Variants in LARP4B observed in about 807,000 individuals in gnomAD.
LARP4B encodes the protein la-related protein 4B.
Under a neutral mutation model 89.8 loss-of-function variants are expected in LARP4B, and 12 were observed. That is an observed-to-expected ratio of 0.13 (90% CI 0.09 to 0.22). LARP4B has a LOEUF of 0.22. Ranked by LOEUF, LARP4B falls within the 10% of genes least tolerant of loss-of-function variation. The pLI, the probability that LARP4B is intolerant of heterozygous loss-of-function variation, is 1.00. For missense variants in LARP4B, 757 were observed against 947.7 expected, an observed-to-expected ratio of 0.80 and a Z score of 2.64; for synonymous variants, 367 against 363.3, an observed-to-expected ratio of 1.01 and a Z score of -0.12.
chr10:815,105 G>A, intron 15 of LARP4B, 35 bp from the exon 16 acceptor site: 1 of 1,521,780 alleles, frequency 6.6e-7, no homozygotes, highest in Non-Finnish European at 8.8e-7. Context: ...TCAGAGTCCT[G>A]CCGGCACTAA....
In LARP4B at chr10:912,903, G is replaced by C. The variant is rs557818849; in HGVS notation, c.-40+18525C>G. 3.5e-4 allele frequency among the ~76,000 whole-genome samples: 53 copies of C among 152,118 alleles called. 1 individual carries two copies. The Middle Eastern group carries it at 0.014, about 39-fold the overall frequency. Reference sequence around the variant, plus strand: ...AATATGACTTTCTGACATTTAGCTAGCTATCCTGAACCTCTTTATAAAAGA... The same window carrying C: ...AATATGACTTTCTGACATTTAGCTACCTATCCTGAACCTCTTTATAAAAGA... On this transcript the variant is annotated intron_variant, in intron 1 of 17. Coordinates refer to ENST00000316157, the MANE Select transcript of LARP4B (RefSeq NM_015155.3).
chr10:821,183 C>T (rs1832333083), intron 13 of LARP4B, among the ~76,000 whole-genome samples: 1 of 152,202 alleles, frequency 6.6e-6, no homozygotes, highest in Non-Finnish European at 1.5e-5. Context: ...CACATAAAAT[C>T]TGAGACTGAG....
intron 1 of LARP4B, among the ~76,000 whole-genome samples, chr10:907,432 T>C (rs552210017): frequency 6.6e-6 from 1 of 152,376 alleles, no homozygotes; most frequent in East Asian, 1.9e-4. Flanking sequence ...ATTTTCATTT[T>C]ATTTTATTCT....
intron 3 of LARP4B, chr10:873,485 T>G: frequency 1.1e-6 from 1 of 902,012 alleles, no homozygotes; most frequent in Non-Finnish European, 1.3e-6. Context: ...TTCAGGCTTC[T>G]GGTTTTTCTA....
At chr10:986,190 G>C in the LARP4B span, 1 of 152,178 alleles carries the variant, frequency 6.6e-6, no homozygotes, top group African/African-American at 2.4e-5. Context: ...AAAATAAAAA[G>C]GTCTGAAAAA....
chr10:939,633 G>C, the LARP4B span, among the ~76,000 whole-genome samples: 34 of 152,312 alleles, frequency 2.2e-4, no homozygotes. Flanking sequence ...TTCTAGGCCT[G>C]AGAAAAGGCT....
At chr10:873,534 G>A (rs1835329800) in intron 3 of LARP4B, 1 of 431,802 alleles carries the variant, frequency 2.3e-6, no homozygotes, top group Non-Finnish European at 3.1e-6. Flanking sequence ...TTCATGGGAT[G>A]GTGGTAACTA....
chr10:938,627 G>A, the LARP4B span, among the ~76,000 whole-genome samples: 1 of 152,168 alleles, frequency 6.6e-6, no homozygotes, highest in Non-Finnish European at 1.5e-5. Flanking sequence ...TTATTTAGGG[G>A]TGAGGGGTTA....
chr10:920,858 T>A (rs934565264), intron 1 of LARP4B, among the ~76,000 whole-genome samples: 2 of 152,118 alleles, frequency 1.3e-5, no homozygotes, highest in East Asian at 3.9e-4. Flanking sequence ...AAGAAAACAC[T>A]CCATGCAACT....
chr10:878,432 C>T (rs1031922887), intron 3 of LARP4B, among the ~76,000 whole-genome samples: 3 of 151,676 alleles, frequency 2.0e-5, no homozygotes, highest in African/African-American at 4.8e-5. Context: ...GACACCCCTG[C>T]GTGACTCATG....
chr10:932,117 C>T (rs1435626638), upstream of LARP4B, among the ~76,000 whole-genome samples: 2 of 151,892 alleles, frequency 1.3e-5, no homozygotes, highest in African/African-American at 4.8e-5. Context: ...CTGCCCGCCG[C>T]CCAGGACGGA....
chr10:832,789 A>G (rs1832977548), intron 8 of LARP4B, among the ~76,000 whole-genome samples: 1 of 152,242 alleles, frequency 6.6e-6, no homozygotes. Context: ...AAAATTCATC[A>G]TCGGCAGACC....
intron 1 of LARP4B, among the ~76,000 whole-genome samples, chr10:918,786 A>AC: frequency 6.6e-6 from 1 of 152,264 alleles, no homozygotes; most frequent in South Asian, 2.1e-4. Flanking sequence ...TTCAAAGATA[A>AC]CCACAATGGG....
chr10:869,024 GA>G, intron 3 of LARP4B, among the ~76,000 whole-genome samples: 1 of 152,240 alleles, frequency 6.6e-6, no homozygotes, highest in South Asian at 2.1e-4. Flanking sequence ...ATTTATTACA[GA>G]ATTTCTGGAA....
At chr10:923,948 C>CA (rs1326016201) in intron 1 of LARP4B, among the ~76,000 whole-genome samples, 1 of 152,168 alleles carries the variant, frequency 6.6e-6, no homozygotes, top group Non-Finnish European at 1.5e-5. Context: ...ATTTTATAAA[C>CA]AAATTTTAAA....
chr10:864,392 C>A, intron 3 of LARP4B, 122 bp from the exon 4 acceptor site: 4 of 751,752 alleles, frequency 5.3e-6, no homozygotes, highest in African/African-American at 3.6e-5. Context: ...TGTATTTATA[C>A]ACACCTTTGG....
intron 4 of LARP4B, 97 bp from the exon 5 acceptor site, chr10:863,980 G>A (rs1834761330): frequency 1.3e-6 from 2 of 1,548,932 alleles, no homozygotes; most frequent in South Asian, 1.2e-5. Flanking sequence ...TCTTTAGACT[G>A]TAAAAGACCT....
At chr10:932,113 G>A (rs1830646297), upstream of LARP4B, among the ~76,000 whole-genome samples, 1 of 151,680 alleles carries the variant, frequency 6.6e-6, no homozygotes, top group Admixed American at 6.6e-5. Flanking sequence ...ACCCCTGCCC[G>A]CCGCCCAGGA....
chr10:835,825 C>T (rs937837023), intron 8 of LARP4B, among the ~76,000 whole-genome samples: 1 of 151,786 alleles, frequency 6.6e-6, no homozygotes, highest in Non-Finnish European at 1.5e-5. Context: ...CCCAGCTACT[C>T]GGGAGGCTGA....
Sources: gnomAD v4.1 joint callset for allele counts (sites outside exome capture counted in the v4.1 genomes callset) on GRCh38, gnomAD v4.1.1 for gene constraint, MANE v1.5 for transcripts, NCBI Gene and HGNC (gene_info 2026-07-23, HGNC 2026-07-21) for gene names.